RMND5A: variants seen among roughly 807,000 people sequenced by gnomAD.
RMND5A encodes required for meiotic nuclear division 5 homolog A.
In RMND5A, 17 loss-of-function variants were observed where a neutral mutation model predicts 49.7. The ratio of observed to expected loss-of-function variants is 0.34; its 90% CI spans 0.23 to 0.51. RMND5A has a LOEUF of 0.51. RMND5A is among the 20% of genes least tolerant of loss of function. The pLI, the probability that RMND5A is intolerant of heterozygous loss-of-function variation, is 0.96. For synonymous variants in RMND5A, 156 were observed against 167.7 expected (o/e 0.93, Z 0.54); for missense variants, 255 against 471.3 (o/e 0.54, Z 4.25).
intron 6 of RMND5A, 97 bp from the exon 7 acceptor site, chr2:86,769,926 G>T: frequency 1.2e-6 from 1 of 802,912 alleles, no homozygotes; most frequent in Non-Finnish European, 2.2e-6. Flanking sequence ...AGTGGCCAGG[G>T]TCTGCAGCAC....
chr2:86,760,200 A>G (rs988439381), intron 4 of RMND5A, among the ~76,000 whole-genome samples: 1 of 152,006 alleles, frequency 6.6e-6, no homozygotes, highest in African/African-American at 2.4e-5. Flanking sequence ...ATGCGCCACC[A>G]CACCCGACTA....
intron 2 of RMND5A, among the ~76,000 whole-genome samples, chr2:86,744,390 G>C (rs570073912): frequency 4.6e-5 from 7 of 152,142 alleles, no homozygotes; most frequent in Non-Finnish European, 8.8e-5. Context: ...TGTGGCATAA[G>C]GCTTTTAAGA....
chr2:86,766,499 C>G (rs1212246055), intron 6 of RMND5A, among the ~76,000 whole-genome samples: 2 of 151,866 alleles, frequency 1.3e-5, no homozygotes, highest in Non-Finnish European at 2.9e-5. Flanking sequence ...CCCGCCTCTA[C>G]TAAAAACACA....
At chr2:86,752,119 TC>T in intron 3 of RMND5A, 89 bp downstream of exon 3, 2 of 1,168,420 alleles carry the variant, frequency 1.7e-6, no homozygotes, top group East Asian at 2.5e-5. Flanking sequence ...TTTTGAGTCT[TC>T]CTCTAGCTAT....
intron 4 of RMND5A, among the ~76,000 whole-genome samples, chr2:86,759,660 C>T (rs183654959): frequency 2.8e-5 from 4 of 143,454 alleles, no homozygotes; most frequent in Admixed American, 1.4e-4. Context: ...ATTTGCCAGG[C>T]GCGGTGGTGA....
At chr2:86,721,123 G>A (rs1681206313) in intron 1 of RMND5A, 1 of 274,422 alleles carries the variant, frequency 3.6e-6, no homozygotes, top group Non-Finnish European at 6.9e-6. Context: ...ACCCCCGAGT[G>A]GGCGCCCCTC....
At chr2:86,768,566 A>G (rs941013814) in intron 6 of RMND5A, among the ~76,000 whole-genome samples, 1 of 152,250 alleles carries the variant, frequency 6.6e-6, no homozygotes, top group African/African-American at 2.4e-5. Flanking sequence ...TTAGAGTGGC[A>G]ACAAGGTGTC....
intron 6 of RMND5A, 40 bp from the exon 7 acceptor site, chr2:86,769,983 C>T: frequency 2.0e-6 from 3 of 1,501,354 alleles, no homozygotes; most frequent in Non-Finnish European, 2.8e-6. Context: ...GCGGCCTGAC[C>T]CCTGGCCTGG....
chr2:86,770,938 C>A (rs1483335115), intron 7 of RMND5A, among the ~76,000 whole-genome samples: 2 of 152,212 alleles, frequency 1.3e-5, no homozygotes, highest in Non-Finnish European at 2.9e-5. Context: ...GAAAAGCTAA[C>A]ATACGCATTT....
intron 6 of RMND5A, among the ~76,000 whole-genome samples, chr2:86,766,947 A>C (rs1389946963): frequency 6.6e-6 from 1 of 152,234 alleles, no homozygotes. Context: ...AAATCCACAT[A>C]AAGCACTTCA....
chr2:86,769,407 G>T (rs1413897598), intron 6 of RMND5A, among the ~76,000 whole-genome samples: 1 of 152,156 alleles, frequency 6.6e-6, no homozygotes, highest in Non-Finnish European at 1.5e-5. Flanking sequence ...TAAGTCTGGT[G>T]GTATATGGTC....
chr2:86,767,023 G>A (rs2367380), intron 6 of RMND5A, among the ~76,000 whole-genome samples: 18,888 of 152,028 alleles, frequency 0.12, 1,358 homozygotes, highest in Admixed American at 0.18. Context: ...TGAGCTAGCT[G>A]GTCACTTTTT....
chr2:86,771,519 T>C (rs753781053), intron 7 of RMND5A, 39 bp from the exon 8 acceptor site: 19 of 1,571,532 alleles, frequency 1.2e-5, no homozygotes, highest in African/African-American at 8.4e-5. Flanking sequence ...TTGTGAAATA[T>C]GACTTCAGCT....
At chr2:86,770,440 T>G (rs1672669024) in intron 7 of RMND5A, among the ~76,000 whole-genome samples, 1 of 152,210 alleles carries the variant, frequency 6.6e-6, no homozygotes, top group Non-Finnish European at 1.5e-5. Context: ...CTCCTGTGAT[T>G]GTTTTTCTAA....
intron 1 of RMND5A, among the ~76,000 whole-genome samples, chr2:86,732,709 A>G (rs1195775751): frequency 6.8e-6 from 1 of 147,256 alleles, no homozygotes; most frequent in Non-Finnish European, 1.5e-5. Context: ...GTTTCATTGC[A>G]TCTTTGACAA....
In RMND5A at chr2:86,720,830, G is replaced by C. The variant is rs749855224; in HGVS notation, c.142+21G>C. 8.5e-5 allele frequency: 133 copies of C among 1,564,568 alleles called. 1 individual carries two copies. Among genetic ancestry groups the C allele is most frequent in the Non-Finnish European group, 1.0e-4 (120 of 1,157,068 alleles). ...CCACGGTAGGGCGGCCCGCGTGGGCGCGCGGGGCATGGCCCACTGCCCGAG... is the reference window on the plus strand; with the variant it reads ...CCACGGTAGGGCGGCCCGCGTGGGCCCGCGGGGCATGGCCCACTGCCCGAG... On this transcript the variant is annotated intron_variant, in intron 1 of 8. Coordinates refer to ENST00000283632, the MANE Select transcript of RMND5A (RefSeq NM_022780.4).
At chr2:86,751,576 A>G (rs1681633526) in intron 2 of RMND5A, among the ~76,000 whole-genome samples, 1 of 152,186 alleles carries the variant, frequency 6.6e-6, no homozygotes, top group Non-Finnish European at 1.5e-5. Flanking sequence ...GCATGCTTTT[A>G]CAGGTCATCA....
At position 86,776,304 on chromosome 2, in the gene RMND5A, T is replaced by C. The variant is rs1279805337; in HGVS notation, c.*2893T>C. On this transcript the variant is annotated 3_prime_UTR_variant, in exon 9 of 9. Transcript: ENST00000283632. ...TTCTAATACATAAATGAACGGGTAT[T>C]GGTGCCTCTTTATTTTAAAAAATTT... 2 of 152,238 alleles carry C rather than the reference T, an allele frequency of 1.3e-5. No homozygotes were observed. The highest frequency in any genetic ancestry group is 1.3e-4 in the Admixed American group (2 of 15,288). The allele number at this position is 152,238 out of a possible 1,614,324, so 9.4% of individuals were successfully genotyped here. A position where few individuals can be genotyped will look rare whatever the true frequency, so the allele number is the denominator to read the frequency against.
chr2:86,762,261 C>T (rs1413664984), intron 4 of RMND5A, among the ~76,000 whole-genome samples: 1 of 152,166 alleles, frequency 6.6e-6, no homozygotes, highest in Non-Finnish European at 1.5e-5. Flanking sequence ...TTAGTCATGG[C>T]CCATGGTATA....
Sources: allele counts gnomAD v4.1 joint callset (sites outside exome capture counted in the v4.1 genomes callset), GRCh38; gene constraint gnomAD v4.1.1; transcripts MANE v1.5; gene names NCBI Gene and HGNC (gene_info 2026-07-23, HGNC 2026-07-21).